The following APBB2 variants were observed in gnomAD, a reference collection of about 807,000 sequenced individuals.
The protein encoded by APBB2 is amyloid beta precursor protein binding family B member 2.
Under a neutral mutation model 82.5 loss-of-function variants are expected in APBB2, and 38 were observed. The observed-to-expected ratio is 0.46, with a 90% CI of 0.36 to 0.60. The LOEUF (loss-of-function observed/expected upper bound fraction) is 0.60, where lower values mean the gene tolerates loss of function less well. Among genes scored for constraint, APBB2 ranks in the 20% least tolerant of loss-of-function variants. The pLI is 0.00. For synonymous variants in APBB2, 341 were observed against 368.2 expected (o/e 0.93, Z 0.85); for missense variants, 772 against 972.3 (o/e 0.79, Z 2.74).
chr4:41,057,407 C>T (rs4861362), intron 4 of APBB2, among the ~76,000 whole-genome samples: 37,392 of 152,168 alleles, frequency 0.25, 4,818 homozygotes, highest in Admixed American at 0.35. Flanking sequence ...GCCGAGATAG[C>T]GCTATTGCAC....
intron 1 of APBB2, among the ~76,000 whole-genome samples, chr4:41,165,185 T>C (rs1017889500): frequency 1.3e-5 from 2 of 148,506 alleles, no homozygotes; most frequent in African/African-American, 5.2e-5. Flanking sequence ...AGGTGTGCCA[T>C]TGTAGCGGTG....
rs79060181 is a variant in APBB2 at position 41,046,938 on chromosome 4, T to C, written c.-50-13634A>G. Reference sequence around the variant, plus strand: ...TGATCTGTGATTCTGATGAACCTGGTTCAATTTTGTCACCTGTTAATTTTT... The same window carrying C: ...TGATCTGTGATTCTGATGAACCTGGCTCAATTTTGTCACCTGTTAATTTTT... On this transcript the variant is annotated intron_variant, in intron 4 of 17. Transcript: ENST00000508593. 6.6e-4 allele frequency among the ~76,000 whole-genome samples: 101 copies of C among 152,358 alleles called. 1 individual carries two copies. The East Asian group carries it at 0.018, about 27-fold the overall frequency.
intron 1 of APBB2, among the ~76,000 whole-genome samples, chr4:41,175,175 T>C (rs1769409980): frequency 6.6e-6 from 1 of 152,306 alleles, no homozygotes; most frequent in Middle Eastern, 3.4e-3. Context: ...CTCTAAATAT[T>C]GATATACATA....
At chr4:40,960,040 G>A in intron 6 of APBB2, among the ~76,000 whole-genome samples, 1 of 152,144 alleles carries the variant, frequency 6.6e-6, no homozygotes, top group East Asian at 1.9e-4. Context: ...TATTTTAAAG[G>A]TTAAGTGCCC....
At chr4:40,871,268 C>G (rs1159705086) in intron 12 of APBB2, among the ~76,000 whole-genome samples, 1 of 152,188 alleles carries the variant, frequency 6.6e-6, no homozygotes, top group African/African-American at 2.4e-5. Flanking sequence ...CCTCAGACTC[C>G]TGAGTAGCTG....
chr4:40,894,321 A>G (rs956152522), intron 10 of APBB2, among the ~76,000 whole-genome samples: 1 of 148,536 alleles, frequency 6.7e-6, no homozygotes, highest in East Asian at 1.9e-4. Context: ...TACCAGAAAT[A>G]TAAGTATACG....
At chr4:41,115,697 A>C (rs912992715) in intron 2 of APBB2, among the ~76,000 whole-genome samples, 1 of 152,264 alleles carries the variant, frequency 6.6e-6, no homozygotes, top group Non-Finnish European at 1.5e-5. Flanking sequence ...TTATGCAGCC[A>C]ACAAACATAT....
chr4:40,977,021 C>T (rs1797340451), intron 6 of APBB2, among the ~76,000 whole-genome samples: 1 of 151,978 alleles, frequency 6.6e-6, no homozygotes, highest in African/African-American at 2.4e-5. Context: ...TGCACTCCAG[C>T]CTGGTGACAG....
chr4:41,057,800 C>T (rs1487200824), intron 4 of APBB2, among the ~76,000 whole-genome samples: 2 of 152,316 alleles, frequency 1.3e-5, no homozygotes, highest in African/African-American at 2.4e-5. Flanking sequence ...TCTCCTTTCC[C>T]TTCTGGAGGC....
chr4:40,870,096 G>A (rs953812620), intron 12 of APBB2, among the ~76,000 whole-genome samples: 2 of 151,884 alleles, frequency 1.3e-5, no homozygotes, highest in East Asian at 1.9e-4. Context: ...GCAATAAACC[G>A]CTCACCCATG....
At chr4:40,867,864 CTTT>C (rs35665507) in intron 12 of APBB2, among the ~76,000 whole-genome samples, 11 of 138,804 alleles carry the variant, frequency 7.9e-5, no homozygotes, top group East Asian at 2.1e-4. Context: ...ATTTCTGGGG[CTTT>C]TTTTTTTTTT....
At chr4:40,863,916 A>AAAAT (rs1763410034) in intron 12 of APBB2, among the ~76,000 whole-genome samples, 1 of 146,530 alleles carries the variant, frequency 6.8e-6, no homozygotes, top group Non-Finnish European at 1.5e-5. Flanking sequence ...AAAAAAAAAA[A>AAAAT]GCAAGCCAGG....
chr4:40,849,725 CTTTTTTTTTTT>C (rs758207803), intron 12 of APBB2, among the ~76,000 whole-genome samples: 1 of 123,252 alleles, frequency 8.1e-6, no homozygotes, highest in Non-Finnish European at 1.7e-5. Flanking sequence ...ACTAAAGTTA[CTTTTTTTTTTT>C]TTTTTTTTTG....
At position 41,196,802 on chromosome 4, in the gene APBB2, TA is replaced by T; in HGVS notation, c.-417+17602del. Reference sequence around the variant, plus strand: ...TGGAAATAATCCTCCTCTTCAAAAATAAAAATAAAACTAAGTGAGACCACAG... The same window carrying T: ...TGGAAATAATCCTCCTCTTCAAAAATAAAATAAAACTAAGTGAGACCACAG... On this transcript the variant is annotated intron_variant, in intron 1 of 17. Coordinates refer to ENST00000508593, the MANE Select transcript of APBB2 (RefSeq NM_004307.2). Among the ~76,000 whole-genome samples the T allele has an allele frequency of 2.0e-5, 3 of 152,192 alleles. No individual in the cohort carries two copies. The East Asian group carries it at 5.8e-4, about 29-fold the overall frequency.
chr4:41,137,527 C>G (rs919045132), intron 2 of APBB2, among the ~76,000 whole-genome samples: 4 of 152,126 alleles, frequency 2.6e-5, no homozygotes, highest in Non-Finnish European at 5.9e-5. Flanking sequence ...TCATAAAGAA[C>G]AGAGAGGAAA....
chr4:40,916,361 T>C (rs957699883), intron 10 of APBB2, among the ~76,000 whole-genome samples: 1 of 152,150 alleles, frequency 6.6e-6, no homozygotes, highest in Non-Finnish European at 1.5e-5. Flanking sequence ...CCTTGTGGCT[T>C]CTGCTCACAA....
chr4:41,105,019 C>A (rs976705579), intron 2 of APBB2, among the ~76,000 whole-genome samples: 5 of 152,162 alleles, frequency 3.3e-5, no homozygotes, highest in African/African-American at 4.8e-5. Flanking sequence ...ACCTGCACAC[C>A]CAGTAACTAC....
intron 3 of APBB2, chr4:41,084,543 C>A (rs1738931516): frequency 6.6e-6 from 1 of 152,032 alleles, no homozygotes; most frequent in South Asian, 2.1e-4. Context: ...TTCATCATGC[C>A]CCTGAGATAA....
At chr4:41,123,488 C>A (rs530874694) in intron 2 of APBB2, among the ~76,000 whole-genome samples, 5 of 152,234 alleles carry the variant, frequency 3.3e-5, no homozygotes, top group Non-Finnish European at 5.9e-5. Context: ...TTCCACCCTG[C>A]ATGTCAAAAC....
Sources: allele counts gnomAD v4.1 joint callset (sites outside exome capture counted in the v4.1 genomes callset), GRCh38; gene constraint gnomAD v4.1.1; transcripts MANE v1.5; gene names NCBI Gene and HGNC (gene_info 2026-07-23, HGNC 2026-07-21).